Variants in CCM2 observed in about 807,000 individuals in gnomAD.
CCM2 encodes the protein CCM2 scaffold protein, also known as cerebral cavernous malformations 2 protein.
CCM2 carries 25 observed loss-of-function variants against 44.9 expected under a neutral mutation model. The ratio of observed to expected loss-of-function variants is 0.56; its 90% confidence interval spans 0.41 to 0.78. CCM2 has a LOEUF of 0.78. Among genes scored for constraint, CCM2 ranks in the 30% least tolerant of loss-of-function variants. CCM2 has a pLI of 0.00. For synonymous variants in CCM2, 219 were observed against 241.1 expected, an observed-to-expected ratio of 0.91 and a Z score of 0.85; for missense variants, 481 against 580.6, an observed-to-expected ratio of 0.83 and a Z score of 1.76.
intron 6 of CCM2, chr7:45,071,662 G>T (rs918697351): frequency 2.4e-6 from 1 of 413,476 alleles, no homozygotes; most frequent in East Asian, 7.1e-5. Flanking sequence ...CCTTCTGGAG[G>T]CTCCAGAGAA....
At chr7:45,065,797 CAT>C (rs1798744558) in intron 4 of CCM2, among the ~76,000 whole-genome samples, 1 of 152,202 alleles carries the variant, frequency 6.6e-6, no homozygotes, top group African/African-American at 2.4e-5. Context: ...CACCTACACA[CAT>C]GTACATTACT....
chr7:45,057,383 G>A (rs1443750110), intron 2 of CCM2, among the ~76,000 whole-genome samples: 1 of 151,988 alleles, frequency 6.6e-6, no homozygotes, highest in Admixed American at 6.6e-5. Context: ...GGATGGTCTT[G>A]ATATACTGAC....
intron 2 of CCM2, among the ~76,000 whole-genome samples, chr7:45,041,865 A>C (rs1427974976): frequency 6.6e-6 from 1 of 152,236 alleles, no homozygotes; most frequent in Admixed American, 6.5e-5. Flanking sequence ...ACCAGGGAAG[A>C]ATCAGTGGAA....
intron 2 of CCM2, among the ~76,000 whole-genome samples, chr7:45,049,383 T>G (rs1797899285): frequency 6.6e-6 from 1 of 152,222 alleles, no homozygotes; most frequent in Non-Finnish European, 1.5e-5. Context: ...GACACCAGCT[T>G]CTTGTGTCTT....
chr7:45,015,388 C>G (rs142000293), intron 1 of CCM2, among the ~76,000 whole-genome samples: 1 of 152,298 alleles, frequency 6.6e-6, no homozygotes, highest in East Asian at 1.9e-4. Flanking sequence ...TGCTGCTGTT[C>G]CCTCCCCACA....
intron 1 of CCM2, among the ~76,000 whole-genome samples, chr7:45,010,907 C>G (rs2128713970): frequency 6.6e-6 from 1 of 152,254 alleles, no homozygotes; most frequent in African/African-American, 2.4e-5. Context: ...GTGAATGAGT[C>G]ATTATGTGAA....
chr7:45,041,115 A>G (rs1329049643), intron 2 of CCM2, among the ~76,000 whole-genome samples: 1 of 152,262 alleles, frequency 6.6e-6, no homozygotes, highest in Non-Finnish European at 1.5e-5. Flanking sequence ...GTCCCAGGAA[A>G]TTAATCTAAG....
At chr7:45,052,174 G>T (rs1798044996) in intron 2 of CCM2, among the ~76,000 whole-genome samples, 1 of 152,226 alleles carries the variant, frequency 6.6e-6, no homozygotes, top group Admixed American at 6.5e-5. Flanking sequence ...AAACCCTTAT[G>T]TGGAGGACAT....
intron 1 of CCM2, among the ~76,000 whole-genome samples, chr7:45,022,416 C>G (rs1012780999): frequency 7.4e-5 from 11 of 149,242 alleles, no homozygotes; most frequent in Non-Finnish European, 1.5e-4. Context: ...ACGCCATTCT[C>G]CTGTCTCAGC....
intron 2 of CCM2, among the ~76,000 whole-genome samples, chr7:45,057,533 T>G (rs1051042765): frequency 1.3e-5 from 2 of 152,176 alleles, no homozygotes. Context: ...TGTGGTGGTG[T>G]AGTAAGTTTT....
chr7:45,014,459 G>A (rs1466657916), intron 1 of CCM2, among the ~76,000 whole-genome samples: 2 of 151,858 alleles, frequency 1.3e-5, no homozygotes, highest in African/African-American at 4.8e-5. Context: ...TTTAATTGCA[G>A]TAAAAAAGCA....
At chr7:45,052,815 G>C (rs1798074150) in intron 2 of CCM2, among the ~76,000 whole-genome samples, 1 of 152,208 alleles carries the variant, frequency 6.6e-6, no homozygotes, top group South Asian at 2.1e-4. Context: ...ATTAATCTCT[G>C]CTTTTCCCAC....
chr7:45,004,694 A>AT (rs199850211), intron 1 of CCM2, among the ~76,000 whole-genome samples: 6 of 151,468 alleles, frequency 4.0e-5, no homozygotes, highest in East Asian at 1.9e-4. Context: ...TTTTAATTCT[A>AT]TTTTTTTTTC....
chr7:45,037,792 A>T (rs1461992992), intron 1 of CCM2, among the ~76,000 whole-genome samples: 2 of 152,074 alleles, frequency 1.3e-5, no homozygotes, highest in African/African-American at 4.8e-5. Context: ...CCCACTGGGG[A>T]AAGAATTGCA....
In CCM2 at chr7:45,038,495, C is replaced by T. The variant is rs539926436; in HGVS notation, c.204+69C>T. On this transcript the variant is annotated intron_variant, in intron 2 of 9. Coordinates refer to ENST00000258781, the MANE Select transcript of CCM2 (RefSeq NM_031443.4). ...GACGGTCATGCTTGTATCCACCAGA[C>T]ACTCTTGAGTTTATAAGACACAGCC... 442 of 1,520,658 alleles carry T rather than the reference C, an allele frequency of 2.9e-4. No individual in the cohort carries two copies. In the African/African-American group the frequency reaches 5.4e-3, roughly 18 times the overall value. 94.2% of individuals were successfully genotyped at this position (1,520,658 alleles called of 1,614,324 possible). A position where few individuals can be genotyped will look rare whatever the true frequency, so the allele number is the denominator to read the frequency against.
intron 2 of CCM2, among the ~76,000 whole-genome samples, chr7:45,042,892 C>T (rs1003563452): frequency 1.3e-5 from 2 of 151,908 alleles, no homozygotes; most frequent in Non-Finnish European, 2.9e-5. Context: ...ATTCTACATA[C>T]TCTTCCAGAA....
At chr7:45,026,103 G>C (rs1796680344) in intron 1 of CCM2, among the ~76,000 whole-genome samples, 1 of 152,146 alleles carries the variant, frequency 6.6e-6, no homozygotes, top group South Asian at 2.1e-4. Context: ...ATAGAGGTGA[G>C]GCTGCTCAGC....
intron 1 of CCM2, among the ~76,000 whole-genome samples, chr7:45,019,795 AAACTCCTG>A (rs1583860040): frequency 6.6e-6 from 1 of 152,198 alleles, no homozygotes; most frequent in East Asian, 1.9e-4. Flanking sequence ...GGCTGGTTTC[AAACTCCTG>A]AACTCAAGTG....
At chr7:45,071,285 TTTTC>T (rs1799058322) in intron 6 of CCM2, 1 of 152,582 alleles carries the variant, frequency 6.6e-6, no homozygotes, top group South Asian at 2.1e-4. Flanking sequence ...AAGGGCCTTT[TTTTC>T]TTTAATAATT....
Sources: gnomAD v4.1 joint callset for allele counts (sites outside exome capture counted in the v4.1 genomes callset) on GRCh38, gnomAD v4.1.1 for gene constraint, MANE v1.5 for transcripts, NCBI Gene and HGNC (gene_info 2026-07-23, HGNC 2026-07-21) for gene names.